Variants in PTP4A1 observed in about 807,000 individuals in gnomAD.
The protein encoded by PTP4A1 is protein tyrosine phosphatase type IVA 1.
In PTP4A1, 9 loss-of-function variants were observed where a neutral mutation model predicts 20.5. The observed-to-expected ratio is 0.44, with a 90% CI of 0.26 to 0.77. The LOEUF (loss-of-function observed/expected upper bound fraction) is 0.77, where lower values mean the gene tolerates loss of function less well. Among genes scored for constraint, PTP4A1 ranks in the 30% least tolerant of loss-of-function variants. The pLI is 0.19. For synonymous variants in PTP4A1, 78 were observed against 67.4 expected, an observed-to-expected ratio of 1.16 and a Z score of -0.77; for missense variants, 137 against 218.8, an observed-to-expected ratio of 0.63 and a Z score of 2.36.
Position 63,574,004 on chromosome 6 carries a change from C to A in PTP4A1, c.-446+1285C>A, listed in dbSNP as rs987443599. Among the ~76,000 whole-genome samples the A allele has an allele frequency of 6.6e-5, 10 of 152,256 alleles. No individual in the cohort carries two copies. In the South Asian group the frequency reaches 1.5e-3, roughly 22 times the overall value. The stretch of plus-strand genomic sequence containing the variant: ...CGGAATTCTGAGGGTTTTTTATCTT[C>A]TGTCCGCGGAGCCCCCTACCAGTCC... On this transcript the variant is annotated intron_variant, in intron 1 of 5. Coordinates refer to ENST00000626021, the MANE Select transcript of PTP4A1 (RefSeq NM_003463.5).
At chr6:63,525,380 G>T (rs898321398) in intron 1 of PTP4A1, among the ~76,000 whole-genome samples, 1 of 152,164 alleles carries the variant, frequency 6.6e-6, no homozygotes, top group African/African-American at 2.4e-5. Flanking sequence ...GAGAACAGAC[G>T]GGAGGAAGGA....
chr6:63,516,726 G>A, the PTP4A1 span, among the ~76,000 whole-genome samples: 2 of 152,154 alleles, frequency 1.3e-5, no homozygotes, highest in Non-Finnish European at 2.9e-5. Context: ...TCTGAGTTTT[G>A]GGATATATGT....
rs1776580160 is a variant in PTP4A1, at chr6:63,554,359, TC to T, written c.-446+3867del. 2.0e-5 allele frequency among the ~76,000 whole-genome samples: 3 copies of T among 152,326 alleles called. No homozygotes were observed. The Middle Eastern group carries it at 0.01, about 518-fold the overall frequency. ...TCTTGTCCAGAACTTGACCAGAAAT[TC>T]TTATACACTTTCTTCTAGACTGTAG... is the stretch of plus-strand genomic sequence containing the variant. On this transcript the variant is annotated intron_variant, in intron 3 of 3. Transcript: ENST00000639568.
At chr6:63,563,630 C>A (rs901179179) in intron 3 of PTP4A1, among the ~76,000 whole-genome samples, 1 of 152,144 alleles carries the variant, frequency 6.6e-6, no homozygotes, top group African/African-American at 2.4e-5. Flanking sequence ...TTCATTGGGG[C>A]AGAAAACATG....
Position 63,579,333 on chromosome 6 carries a change from T to C in PTP4A1, c.404+2T>C, listed in dbSNP as rs1399417774. ...AGATGCAGTACAATTCATAAGACAG[T>C]AAGTAATGGATTCTCTTTTCATTTG... On this transcript the variant is annotated splice_donor_variant, in intron 5 of 5. Transcript: ENST00000626021. LOFTEE classifies it high-confidence loss of function. The C allele has an allele frequency of 6.3e-7, 1 of 1,586,998 alleles. No individual in the cohort carries two copies. The highest frequency in any genetic ancestry group is 8.6e-7 in the Non-Finnish European group (1 of 1,162,484).
At chr6:63,578,130 G>A (rs1294085592) in intron 2 of PTP4A1, among the ~76,000 whole-genome samples, 1 of 151,970 alleles carries the variant, frequency 6.6e-6, no homozygotes, top group East Asian at 1.9e-4. Context: ...ATCCCAATCC[G>A]GTATTACCAT....
rs115995331 is a variant in PTP4A1 at position 63,575,034 on chromosome 6, G to C, written c.-445-1402G>C. ...TTAATGCTAGTTGTATGTTTTACCA[G>C]AAAAGTAGACTGGGTTTTTGACTTG... On this transcript the variant is annotated intron_variant, in intron 1 of 5. Coordinates refer to ENST00000626021, the MANE Select transcript of PTP4A1 (RefSeq NM_003463.5). Among the ~76,000 whole-genome samples, 319 of 152,288 alleles carry C rather than the reference G, an allele frequency of 2.1e-3. 1 individual carries two copies. Among genetic ancestry groups the C allele is most frequent in the African/African-American group, 7.4e-3 (309 of 41,576 alleles).
In PTP4A1 at chr6:63,522,567, A is replaced by G. The variant is rs1032263643; in HGVS notation, c.-906+741A>G. Among the ~76,000 whole-genome samples, 3 of 152,360 alleles carry G rather than the reference A, an allele frequency of 2.0e-5. No individual in the cohort carries two copies. The South Asian group carries it at 6.2e-4, about 32-fold the overall frequency. On this transcript the variant is annotated intron_variant, in intron 1 of 3. Coordinates refer to the PTP4A1 transcript ENST00000639568. ...TCTTTTTGAGGTAGAAAAGGGCTCT[A>G]TAAGTTGAATATTCCCCAAATTACA...
Position 63,572,521 on chromosome 6 carries a change from CG to C in PTP4A1, c.-642del. 2.6e-6 allele frequency: 1 copy of C among 390,702 alleles called. No homozygotes were observed. The highest frequency in any genetic ancestry group is 2.1e-5 in the African/African-American group (1 of 48,250). The allele number at this position is 390,702 out of a possible 1,614,324, so 24.2% of individuals were successfully genotyped here. ...TGGCTCCTTCGGCTGCGGGCCGGCT[CG>C]GCTACGCGCTCTGCTCCGAGCCGCT... On this transcript the variant is annotated 5_prime_UTR_variant, in exon 1 of 6. Coordinates refer to ENST00000626021, the MANE Select transcript of PTP4A1 (RefSeq NM_003463.5).
chr6:63,571,860 T>A (rs1375318244), upstream of PTP4A1: 1 of 152,242 alleles, frequency 6.6e-6, no homozygotes, highest in Non-Finnish European at 1.5e-5. Context: ...TCTCCCCGCT[T>A]GAAAGCGCCC....
intron 3 of PTP4A1, among the ~76,000 whole-genome samples, chr6:63,553,823 C>T (rs771625262): frequency 5.3e-5 from 8 of 152,128 alleles, no homozygotes; most frequent in African/African-American, 9.7e-5. Flanking sequence ...AACCATTGCC[C>T]AGCCTGGGAT....
At chr6:63,548,159 T>C (rs1776285522) in intron 2 of PTP4A1, among the ~76,000 whole-genome samples, 1 of 152,210 alleles carries the variant, frequency 6.6e-6, no homozygotes, top group South Asian at 2.1e-4. Context: ...TGACCCTCTC[T>C]GATTTCCCTT....
intron 1 of PTP4A1, among the ~76,000 whole-genome samples, chr6:63,523,669 A>G (rs1260424712): frequency 6.6e-6 from 1 of 152,154 alleles, no homozygotes; most frequent in Non-Finnish European, 1.5e-5. Flanking sequence ...GTGGCCCAGG[A>G]CACTTTCAAT....
At chr6:63,534,433 A>G (rs1393364501) in intron 2 of PTP4A1, among the ~76,000 whole-genome samples, 2 of 145,324 alleles carry the variant, frequency 1.4e-5, no homozygotes, top group Non-Finnish European at 3.0e-5. Flanking sequence ...CACAGAAGCC[A>G]TCACCACACA....
At chr6:63,530,324 GC>G (rs1562112889) in intron 2 of PTP4A1, among the ~76,000 whole-genome samples, 2 of 152,140 alleles carry the variant, frequency 1.3e-5, no homozygotes, top group African/African-American at 4.8e-5. Context: ...GACAAAGCCA[GC>G]CTGAGAAAAA....
At chr6:63,518,094 G>C (rs1774796281), upstream of PTP4A1, among the ~76,000 whole-genome samples, 1 of 149,960 alleles carries the variant, frequency 6.7e-6, no homozygotes, top group Non-Finnish European at 1.5e-5. Flanking sequence ...GGAGGTTGCT[G>C]TGAGCCCAGA....
upstream of PTP4A1, among the ~76,000 whole-genome samples, chr6:63,569,289 T>C (rs1406041194): frequency 6.6e-6 from 1 of 152,220 alleles, no homozygotes; most frequent in Non-Finnish European, 1.5e-5. Context: ...GAAGTCTCAC[T>C]CTGTCTCCCA....
chr6:63,531,286 G>C lies in PTP4A1; in HGVS notation c.-640+3202G>C, dbSNP rs565938957. On this transcript the variant is annotated intron_variant, in intron 2 of 3. Transcript: ENST00000639568. ...GATTTGGTTTAATTAGTGGGGAATA[G>C]ATGGAATGAAGGGCAAATACCGATT... is the stretch of plus-strand genomic sequence containing the variant. Among the ~76,000 whole-genome samples the C allele has an allele frequency of 1.8e-3, 279 of 152,244 alleles. 1 individual carries two copies. The highest frequency in any genetic ancestry group is 3.3e-3 in the Non-Finnish European group (223 of 68,014).
rs115916015 is a variant in PTP4A1, at chr6:63,554,926, T to C, written c.-446+4433T>C. Among the ~76,000 whole-genome samples, 1,376 of 152,366 alleles carry C rather than the reference T, an allele frequency of 9.0e-3. 11 individuals are homozygous for C. Among genetic ancestry groups the C allele is most frequent in the Non-Finnish European group, 0.015 (1,014 of 68,042 alleles). ...GTATAGTAGATTTTCACAGAAATTA[T>C]GTTAGAATCATACAAAGAGACAATT... On this transcript the variant is annotated intron_variant, in intron 3 of 3. Coordinates refer to the PTP4A1 transcript ENST00000639568.
Sources: gnomAD v4.1 joint callset for allele counts (sites outside exome capture counted in the v4.1 genomes callset) on GRCh38, gnomAD v4.1.1 for gene constraint, MANE v1.5 for transcripts, NCBI Gene and HGNC (gene_info 2026-07-23, HGNC 2026-07-21) for gene names.